Variants in KCNIP1 observed in about 807,000 individuals in gnomAD.
The protein encoded by KCNIP1 is A-type potassium channel modulatory protein KCNIP1.
In KCNIP1, 18 loss-of-function variants were observed where a neutral mutation model predicts 33.0. That is an observed-to-expected ratio of 0.55 (90% confidence interval 0.38 to 0.81). KCNIP1 has a LOEUF of 0.81. Ranked by LOEUF, KCNIP1 falls within the 30% of genes least tolerant of loss-of-function variation. The probability of loss-of-function intolerance (pLI) is 0.00; values close to 1 mark genes in which losing one functional copy is unlikely to be tolerated. For synonymous variants in KCNIP1, 93 were observed against 98.3 expected, an observed-to-expected ratio of 0.95 and a Z score of 0.32; for missense variants, 238 against 271.6, an observed-to-expected ratio of 0.88 and a Z score of 0.87.
chr5:170,385,230 G>T, intron 1 of KCNIP1: 10 of 1,441,058 alleles, frequency 6.9e-6, no homozygotes, highest in Non-Finnish European at 9.7e-6. Flanking sequence ...CAAGGAGAGG[G>T]GTGAGTAGAA....
At chr5:170,560,773 A>C (rs976821974) in intron 1 of KCNIP1, among the ~76,000 whole-genome samples, 1 of 149,972 alleles carries the variant, frequency 6.7e-6, no homozygotes, top group African/African-American at 2.5e-5. Context: ...TTTCTTTGTC[A>C]TGTCTTTCTG....
intron 1 of KCNIP1, among the ~76,000 whole-genome samples, chr5:170,419,687 A>G (rs1335549614): frequency 6.6e-6 from 1 of 152,238 alleles, no homozygotes; most frequent in East Asian, 1.9e-4. Flanking sequence ...AAACTGTATA[A>G]TTCATTGCTT....
chr5:170,418,846 C>A (rs1213467114), intron 1 of KCNIP1, among the ~76,000 whole-genome samples: 1 of 152,222 alleles, frequency 6.6e-6, no homozygotes, highest in African/African-American at 2.4e-5. Context: ...CATACAAGTT[C>A]CTCAACCCTG....
At chr5:170,534,904 C>T (rs1755921079) in intron 1 of KCNIP1, among the ~76,000 whole-genome samples, 2 of 152,004 alleles carry the variant, frequency 1.3e-5, no homozygotes, top group Admixed American at 6.6e-5. Flanking sequence ...GGGAGACTTG[C>T]CTCCTGTGTG....
intron 1 of KCNIP1, among the ~76,000 whole-genome samples, chr5:170,658,710 A>G: frequency 6.6e-6 from 1 of 152,218 alleles, no homozygotes; most frequent in Non-Finnish European, 1.5e-5. Flanking sequence ...TCCAGGCCAC[A>G]GCAAAAGCAT....
At chr5:170,688,384 T>G (rs925142610) in intron 1 of KCNIP1, among the ~76,000 whole-genome samples, 2 of 152,350 alleles carry the variant, frequency 1.3e-5, no homozygotes, top group East Asian at 3.9e-4. Context: ...GAATGTATTT[T>G]GGTACATTTA....
chr5:170,713,716 T>C (rs1763537259), intron 1 of KCNIP1, among the ~76,000 whole-genome samples: 1 of 152,148 alleles, frequency 6.6e-6, no homozygotes, highest in Non-Finnish European at 1.5e-5. Context: ...GATCACTATT[T>C]TGTAACCTCA....
intron 1 of KCNIP1, among the ~76,000 whole-genome samples, chr5:170,649,601 C>A (rs4868006): frequency 0.028 from 4,259 of 152,280 alleles, 81 homozygotes; most frequent in Non-Finnish European, 0.046. Context: ...CCAGTGCTTA[C>A]AAGTCTGGAT....
rs145931479 is a variant in KCNIP1 at position 170,481,393 on chromosome 5, CCTGCTG to C, written c.88+127451_88+127456del. Among the ~76,000 whole-genome samples, 3 of 151,058 alleles carry C rather than the reference CCTGCTG, an allele frequency of 2.0e-5. No homozygotes were observed. In the Admixed American group the frequency reaches 2.0e-4, roughly 10 times the overall value. ...AGTTGTGGTGGGCATTAGTACTACT[CCTGCTG>C]CTGCTGCTGCTGCTGCTGCTGTGTC... On this transcript the variant is annotated intron_variant, in intron 1 of 7. Transcript: ENST00000377360.
intron 1 of KCNIP1, among the ~76,000 whole-genome samples, chr5:170,440,309 A>G (rs1458693965): frequency 2.0e-5 from 3 of 152,162 alleles, no homozygotes; most frequent in Non-Finnish European, 4.4e-5. Context: ...AAACCAATAC[A>G]CAAGGGCCCA....
At chr5:170,517,804 A>G (rs1755197367) in intron 1 of KCNIP1, among the ~76,000 whole-genome samples, 1 of 141,284 alleles carries the variant, frequency 7.1e-6, no homozygotes, top group Non-Finnish European at 1.6e-5. Context: ...GTGAAGTGAT[A>G]GTGATGGTGG....
At chr5:170,521,730 T>A (rs1755369821) in intron 1 of KCNIP1, among the ~76,000 whole-genome samples, 2 of 152,230 alleles carry the variant, frequency 1.3e-5, no homozygotes, top group South Asian at 4.1e-4. Flanking sequence ...CTCCTTTGGC[T>A]GACAACCATA....
chr5:170,534,128 C>T (rs531008195), intron 1 of KCNIP1, among the ~76,000 whole-genome samples: 1 of 152,326 alleles, frequency 6.6e-6, no homozygotes, highest in South Asian at 2.1e-4. Flanking sequence ...AAGCAACTAG[C>T]ACTCCTCTAG....
intron 1 of KCNIP1, among the ~76,000 whole-genome samples, chr5:170,363,421 G>T (rs1363805349): frequency 6.6e-6 from 1 of 152,162 alleles, no homozygotes; most frequent in Non-Finnish European, 1.5e-5. Context: ...AACATGACTG[G>T]TGTCCTTGTA....
chr5:170,558,119 G>A (rs1205732308), intron 1 of KCNIP1, among the ~76,000 whole-genome samples: 4 of 152,058 alleles, frequency 2.6e-5, no homozygotes, highest in African/African-American at 9.7e-5. Context: ...CCTTCCCTGA[G>A]TTTCTATAAA....
chr5:170,681,964 G>C (rs1762366146), intron 1 of KCNIP1, among the ~76,000 whole-genome samples: 1 of 152,198 alleles, frequency 6.6e-6, no homozygotes, highest in Non-Finnish European at 1.5e-5. Context: ...CATAAAACAA[G>C]ATCAAACTCC....
chr5:170,688,190 G>A (rs1251210609), intron 1 of KCNIP1, among the ~76,000 whole-genome samples: 1 of 152,146 alleles, frequency 6.6e-6, no homozygotes, highest in Non-Finnish European at 1.5e-5. Flanking sequence ...TACCTAGGAA[G>A]GGCAGTCCTA....
intron 1 of KCNIP1, among the ~76,000 whole-genome samples, chr5:170,705,200 A>G (rs1262240294): frequency 6.6e-6 from 1 of 152,226 alleles, no homozygotes; most frequent in Non-Finnish European, 1.5e-5. Flanking sequence ...AAGCTGAATA[A>G]CTTCATTAAT....
chr5:170,403,043 C>A (rs143199195), intron 1 of KCNIP1, among the ~76,000 whole-genome samples: 1 of 152,142 alleles, frequency 6.6e-6, no homozygotes, highest in Non-Finnish European at 1.5e-5. Flanking sequence ...TATCTATATG[C>A]GTGCCAGGAA....
Sources: gnomAD v4.1 joint callset for allele counts (sites outside exome capture counted in the v4.1 genomes callset) on GRCh38, gnomAD v4.1.1 for gene constraint, MANE v1.5 for transcripts, NCBI Gene and HGNC (gene_info 2026-07-23, HGNC 2026-07-21) for gene names.